Variants in PGCKA1 observed in about 807,000 individuals in gnomAD.
The protein encoded by PGCKA1 is PDCD10 and GCKIII kinases associated 1, also known as PDCD10 and GCKIII kinases-associated protein 1.
At chr4:37,578,025 C>T in the PGCKA1 span, among the ~76,000 whole-genome samples, 1 of 152,152 alleles carries the variant, frequency 6.6e-6, no homozygotes, top group Non-Finnish European at 1.5e-5. Context: ...CATTCTACAG[C>T]AGTTGGATGA....
the PGCKA1 span, among the ~76,000 whole-genome samples, chr4:37,479,233 C>T: frequency 2.0e-5 from 3 of 152,194 alleles, no homozygotes; most frequent in Admixed American, 1.3e-4. Flanking sequence ...ATCTCCAGAA[C>T]TTAGATGCAA....
the PGCKA1 span, among the ~76,000 whole-genome samples, chr4:37,554,883 C>T: frequency 2.0e-5 from 3 of 152,050 alleles, no homozygotes; most frequent in Non-Finnish European, 4.4e-5. Context: ...GAGGAGTTCC[C>T]CAGATAAACT....
the PGCKA1 span, chr4:37,460,738 C>A: frequency 3.0e-6 from 1 of 338,352 alleles, no homozygotes. Context: ...GAAATTAGAC[C>A]TTTGTCAGGT....
chr4:37,535,893 A>T, the PGCKA1 span, among the ~76,000 whole-genome samples: 5 of 152,186 alleles, frequency 3.3e-5, no homozygotes, highest in African/African-American at 1.2e-4. Flanking sequence ...GTTGCTAGCT[A>T]GAGGATATAA....
the PGCKA1 span, among the ~76,000 whole-genome samples, chr4:37,523,968 C>A: frequency 6.6e-6 from 1 of 152,186 alleles, no homozygotes; most frequent in Non-Finnish European, 1.5e-5. Flanking sequence ...CTCCTAATAC[C>A]ATTACACTGG....
At chr4:37,511,610 T>G in the PGCKA1 span, among the ~76,000 whole-genome samples, 1 of 152,074 alleles carries the variant, frequency 6.6e-6, no homozygotes, top group East Asian at 1.9e-4. Context: ...CCCTCTCTTC[T>G]CCTCAAGCAG....
At chr4:37,590,394 C>A in the PGCKA1 span, 1 of 1,613,754 alleles carries the variant, frequency 6.2e-7, no homozygotes, top group Non-Finnish European at 8.5e-7. Context: ...CTGGGAATTC[C>A]AGCCCCACCC....
chr4:37,535,999 A>G, the PGCKA1 span, among the ~76,000 whole-genome samples: 19 of 152,368 alleles, frequency 1.2e-4, no homozygotes, highest in Non-Finnish European at 2.4e-4. Context: ...AAATGAGATC[A>G]TGCACATAAA....
the PGCKA1 span, among the ~76,000 whole-genome samples, chr4:37,525,783 G>A: frequency 3.3e-5 from 5 of 152,178 alleles, no homozygotes; most frequent in Admixed American, 6.5e-5. Context: ...GGTCAGGGAA[G>A]CCTATTTATA....
the PGCKA1 span, among the ~76,000 whole-genome samples, chr4:37,567,272 G>A: frequency 1.3e-5 from 2 of 152,138 alleles, no homozygotes; most frequent in African/African-American, 2.4e-5. Context: ...AAGTTGAAAT[G>A]AGTTAATACA....
the PGCKA1 span, among the ~76,000 whole-genome samples, chr4:37,551,594 C>G: frequency 3.9e-5 from 6 of 152,134 alleles, no homozygotes. Context: ...GAAATTTAAC[C>G]TTACTAATTA....
the PGCKA1 span, among the ~76,000 whole-genome samples, chr4:37,512,746 G>A: frequency 5.9e-5 from 9 of 151,918 alleles, no homozygotes; most frequent in East Asian, 3.9e-4. Context: ...GAGCCACCGC[G>A]TCTGGCCAAA....
chr4:37,497,154 G>T, the PGCKA1 span, among the ~76,000 whole-genome samples: 1 of 152,048 alleles, frequency 6.6e-6, no homozygotes, highest in Non-Finnish European at 1.5e-5. Flanking sequence ...TCATAGCTTA[G>T]CTCCCACATA....
At chr4:37,487,105 A>G in the PGCKA1 span, among the ~76,000 whole-genome samples, 1 of 152,038 alleles carries the variant, frequency 6.6e-6, no homozygotes, top group South Asian at 2.1e-4. Context: ...CTTAAGATAC[A>G]TTTATTAAAA....
chr4:37,536,195 T>C, the PGCKA1 span, among the ~76,000 whole-genome samples: 1 of 152,110 alleles, frequency 6.6e-6, no homozygotes. Context: ...ATGGTTCTAT[T>C]TGGGATAGGG....
chr4:37,471,286 G>A, the PGCKA1 span, among the ~76,000 whole-genome samples: 1 of 152,162 alleles, frequency 6.6e-6, no homozygotes, highest in South Asian at 2.1e-4. Context: ...GGTCTGGTCA[G>A]TTGGCTGCAT....
At chr4:37,500,488 T>C in the PGCKA1 span, among the ~76,000 whole-genome samples, 1 of 152,232 alleles carries the variant, frequency 6.6e-6, no homozygotes, top group Non-Finnish European at 1.5e-5. Flanking sequence ...AGAGAGTAGT[T>C]GTTATGATTT....
the PGCKA1 span, among the ~76,000 whole-genome samples, chr4:37,504,049 T>C: frequency 6.6e-6 from 1 of 152,202 alleles, no homozygotes; most frequent in African/African-American, 2.4e-5. Flanking sequence ...GTTTCCCCAA[T>C]GTTTTCTTAT....
the PGCKA1 span, among the ~76,000 whole-genome samples, chr4:37,540,294 G>T: frequency 6.6e-6 from 1 of 152,118 alleles, no homozygotes; most frequent in Non-Finnish European, 1.5e-5. Context: ...ATGAACAAAG[G>T]TCTTTAAGCA....
Sources: allele counts gnomAD v4.1 joint callset (sites outside exome capture counted in the v4.1 genomes callset), GRCh38; gene constraint gnomAD v4.1.1; transcripts MANE v1.5; gene names NCBI Gene and HGNC (gene_info 2026-07-23, HGNC 2026-07-21).